The following MOCOS variants were observed in gnomAD, a reference collection of about 807,000 sequenced individuals.
The protein encoded by MOCOS is human molybdenum cofactor sulfurase.
In MOCOS, 86 loss-of-function variants were observed where a neutral mutation model predicts 83.6. That is an observed-to-expected ratio of 1.03 (90% CI 0.86 to 1.23). The LOEUF is 1.23. Ranked by LOEUF, MOCOS falls within the 50% of genes most tolerant of loss-of-function variation. The pLI is 0.00. For missense variants in MOCOS, 1,120 were observed against 1,126.9 expected (o/e 0.99, Z 0.09); for synonymous variants, 445 against 434.7 (o/e 1.02, Z -0.29).
chr18:36,206,513 C>T (rs1264238969), intron 6 of MOCOS, among the ~76,000 whole-genome samples: 5 of 151,186 alleles, frequency 3.3e-5, no homozygotes, highest in East Asian at 2.0e-4. Flanking sequence ...CCCAAAGTGC[C>T]GGGATTACAG....
intron 6 of MOCOS, among the ~76,000 whole-genome samples, chr18:36,211,157 A>T (rs17672620): frequency 0.18 from 26,887 of 152,122 alleles, 3,119 homozygotes; most frequent in East Asian, 0.38. Flanking sequence ...GGGAATTTCC[A>T]CAGGGATTTT....
intron 8 of MOCOS, 86 bp from the exon 9 acceptor site, chr18:36,219,965 GTCTA>G: frequency 6.6e-7 from 1 of 1,507,220 alleles, no homozygotes; most frequent in Non-Finnish European, 9.2e-7. Flanking sequence ...AATTCATGAA[GTCTA>G]TCTGTGTTTG....
chr18:36,251,363 A>C (rs1043512665), intron 11 of MOCOS, 80 bp downstream of exon 11: 1 of 1,548,820 alleles, frequency 6.5e-7, no homozygotes, highest in Admixed American at 1.7e-5. Context: ...CATGAACTGC[A>C]CTTACGGGTG....
intron 6 of MOCOS, among the ~76,000 whole-genome samples, chr18:36,208,246 TC>T (rs1197296379): frequency 6.6e-6 from 1 of 152,246 alleles, no homozygotes; most frequent in Admixed American, 6.5e-5. Context: ...TCAGCTTTAT[TC>T]TTTTTGCTTA....
chr18:36,218,585 G>T (rs1044724304), intron 8 of MOCOS, among the ~76,000 whole-genome samples: 29 of 152,062 alleles, frequency 1.9e-4, no homozygotes, highest in Non-Finnish European at 7.4e-5. Flanking sequence ...TGCCATCAAA[G>T]CTCACTGCAG....
At chr18:36,251,425 T>A (rs919580250) in intron 11 of MOCOS, 142 bp downstream of exon 11, 3 of 1,162,800 alleles carry the variant, frequency 2.6e-6, no homozygotes, top group South Asian at 2.6e-5. Flanking sequence ...AGAAACCTAC[T>A]GCAGTAGCCC....
chr18:36,224,709 C>T (rs1402241197), intron 9 of MOCOS, among the ~76,000 whole-genome samples: 1 of 152,090 alleles, frequency 6.6e-6, no homozygotes, highest in Admixed American at 6.5e-5. Flanking sequence ...TGTTTATATT[C>T]GTCAGGGATA....
At chr18:36,262,732 C>T (rs1388652214) in intron 13 of MOCOS, among the ~76,000 whole-genome samples, 2 of 152,158 alleles carry the variant, frequency 1.3e-5, no homozygotes, top group Non-Finnish European at 2.9e-5. Context: ...CTCCTGGGCT[C>T]AAGTGACGTG....
In MOCOS at chr18:36,248,975, C is replaced by T. The variant is rs570246282; in HGVS notation, c.2014C>T (p.Arg672Cys). 57 of 1,613,990 alleles carry T rather than the reference C, an allele frequency of 3.5e-5. No individual in the cohort carries two copies. In the East Asian group the frequency reaches 8.7e-4, roughly 25 times the overall value. The change falls in exon 10 of 15, where the codon CGC becomes TGC. Residue 672 changes from arginine to cysteine, a missense_variant. By Grantham distance (180) the Arg-to-Cys change is radical (BLOSUM62 -3). Transcript: ENST00000261326. ...GGAAAATAGTGAACGGACTCAGATTCGCCAAAGCAGGGTCTGTGCTGACAG... is the reference window on the plus strand; with the variant it reads ...GGAAAATAGTGAACGGACTCAGATTTGCCAAAGCAGGGTCTGTGCTGACAG... The part of the protein sequence containing the change: ...LEENSERTQI[R>C]QSRVCADRVS...
At chr18:36,194,235 TAAA>T (rs1197605441) in intron 1 of MOCOS, among the ~76,000 whole-genome samples, 5 of 152,342 alleles carry the variant, frequency 3.3e-5, no homozygotes, top group East Asian at 3.9e-4. Flanking sequence ...ATGAATATGT[TAAA>T]AACCACTGAA....
At chr18:36,193,834 T>C (rs1400484061) in intron 1 of MOCOS, among the ~76,000 whole-genome samples, 2 of 152,072 alleles carry the variant, frequency 1.3e-5, no homozygotes, top group African/African-American at 2.4e-5. Flanking sequence ...ACACAAAAAC[T>C]TGTACACCAG....
At chr18:36,212,761 C>T (rs2144913416) in intron 6 of MOCOS, among the ~76,000 whole-genome samples, 1 of 152,296 alleles carries the variant, frequency 6.6e-6, no homozygotes, top group Non-Finnish European at 1.5e-5. Flanking sequence ...TTCAAAGGCT[C>T]ACTCAGCTGA....
intron 13 of MOCOS, 37 bp downstream of exon 13, chr18:36,260,212 G>T: frequency 6.2e-7 from 1 of 1,613,706 alleles, no homozygotes; most frequent in Non-Finnish European, 8.5e-7. Context: ...TTCCTCCAGG[G>T]TTGTCAATGA....
chr18:36,244,753 C>T (rs1378632468), intron 9 of MOCOS, among the ~76,000 whole-genome samples: 5 of 152,066 alleles, frequency 3.3e-5, no homozygotes, highest in Admixed American at 3.3e-4. Context: ...TGTCATGTAT[C>T]TCATTTCTTA....
At position 36,270,797 on chromosome 18, in the gene MOCOS, T is replaced by C. The variant is rs1303774124; in HGVS notation, c.*2112T>C. The C allele has an allele frequency of 6.6e-6, 1 of 151,956 alleles. No homozygotes were observed. The highest frequency in any genetic ancestry group is 1.5e-5 in the Non-Finnish European group (1 of 68,046). 9.4% of individuals were successfully genotyped at this position (151,956 alleles called of 1,614,324 possible). ...CGTCTATGTCACCTTTTGCAGTAGA[T>C]ACTTTCATGACTGATTTCAGGCTTT... On this transcript the variant is annotated 3_prime_UTR_variant, in exon 15 of 15. Transcript: ENST00000261326.
At chr18:36,213,510 G>A (rs990388784) in intron 7 of MOCOS, 28 bp downstream of exon 7, 6 of 1,581,902 alleles carry the variant, frequency 3.8e-6, no homozygotes, top group South Asian at 1.1e-5. Context: ...CGATCCAGAC[G>A]CTGGTCAGCG....
At chr18:36,264,514 A>G (rs914624038) in intron 13 of MOCOS, among the ~76,000 whole-genome samples, 1 of 152,186 alleles carries the variant, frequency 6.6e-6, no homozygotes, top group South Asian at 2.1e-4. Context: ...TAATAGTGAT[A>G]GTTTCCACTC....
At position 36,199,827 on chromosome 18, in the gene MOCOS, C is replaced by T; in HGVS notation, c.444C>T (p.Leu148=). The T allele has an allele frequency of 1.2e-6, 2 of 1,614,108 alleles. No individual in the cohort carries two copies. Among genetic ancestry groups the T allele is most frequent in the Non-Finnish European group, 1.7e-6 (2 of 1,180,006 alleles). Residue 148 remains leucine (L), a synonymous_variant, in exon 4 of 15, where the codon CTC becomes CTT. Transcript: ENST00000261326. ...PESSGSRFCY[L]TDSHTSVVGM... Reference sequence around the variant, plus strand: ...GCAGTGGGAGTCGCTTCTGTTACCTCACCGACAGCCACACCTCCGTAGTGG... The same window carrying T: ...GCAGTGGGAGTCGCTTCTGTTACCTTACCGACAGCCACACCTCCGTAGTGG...
chr18:36,241,440 C>T (rs1238342155), intron 9 of MOCOS, among the ~76,000 whole-genome samples: 2 of 152,210 alleles, frequency 1.3e-5, no homozygotes, highest in Admixed American at 6.5e-5. Context: ...TCTTTGACTC[C>T]ATGTCTCACA....
Sources: allele counts gnomAD v4.1 joint callset (sites outside exome capture counted in the v4.1 genomes callset), GRCh38; gene constraint gnomAD v4.1.1; transcripts MANE v1.5; gene names NCBI Gene and HGNC (gene_info 2026-07-23, HGNC 2026-07-21).